NOS1: variants seen among roughly 807,000 people sequenced by gnomAD.
The protein encoded by NOS1 is NOS type I.
In NOS1, 51 loss-of-function variants were observed where a neutral mutation model predicts 164.5. The ratio of observed to expected loss-of-function variants is 0.31; its 90% CI spans 0.25 to 0.39. The LOEUF is 0.39. Among genes scored for constraint, NOS1 ranks in the 10% least tolerant of loss-of-function variants. The pLI is 1.00. For synonymous variants in NOS1, 719 were observed against 745.8 expected (o/e 0.96, Z 0.59); for missense variants, 1,362 against 1,885.6 (o/e 0.72, Z 5.14).
intron 6 of NOS1, 51 bp from the exon 7 acceptor site, chr12:117,285,383 TC>T: frequency 1.6e-6 from 2 of 1,262,186 alleles, no homozygotes; most frequent in South Asian, 1.3e-5. Flanking sequence ...CCTCCCCAGC[TC>T]CCCCAGCGCA....
chr12:117,270,972 G>A (rs1477750538), intron 10 of NOS1, among the ~76,000 whole-genome samples: 2 of 152,206 alleles, frequency 1.3e-5, no homozygotes, highest in Admixed American at 1.3e-4. Context: ...AAGCCCAGGA[G>A]GTGGAGGTTG....
intron 15 of NOS1, among the ~76,000 whole-genome samples, chr12:117,258,775 C>A (rs773229635): frequency 2.6e-5 from 4 of 152,200 alleles, no homozygotes; most frequent in Non-Finnish European, 4.4e-5. Flanking sequence ...ATAGGAGCAG[C>A]CACTGCAAAC....
chr12:117,240,370 T>C (rs968578778), intron 20 of NOS1, among the ~76,000 whole-genome samples: 7 of 152,268 alleles, frequency 4.6e-5, no homozygotes, highest in African/African-American at 7.2e-5. Context: ...GAGGATTACA[T>C]AGAAAGCACA....
At chr12:117,307,707 C>G (rs957308300) in intron 3 of NOS1, among the ~76,000 whole-genome samples, 3 of 152,070 alleles carry the variant, frequency 2.0e-5, no homozygotes, top group African/African-American at 2.4e-5. Flanking sequence ...TGGTCCATCT[C>G]TACCTGCCAC....
At chr12:117,219,049 G>A (rs1438553760) in intron 27 of NOS1, among the ~76,000 whole-genome samples, 3 of 151,320 alleles carry the variant, frequency 2.0e-5, no homozygotes, top group African/African-American at 7.3e-5. Flanking sequence ...CGTGATCTCG[G>A]CTCACTGCAA....
At chr12:117,241,321 G>T (rs552907859) in intron 20 of NOS1, among the ~76,000 whole-genome samples, 110 of 151,994 alleles carry the variant, frequency 7.2e-4, no homozygotes, top group Middle Eastern at 3.4e-3. Context: ...TATAGCAGAA[G>T]ATCTTTTCAA....
chr12:117,225,008 T>A lies in NOS1; in HGVS notation c.3826+8A>T. ...TGGGAACCAAGTGGCCACTGGACTG[T>A]AACCCACCTTTGTGTTGGATATCAA... On this transcript the variant is annotated splice_region_variant and intron_variant, in intron 25 of 28. Transcript: ENST00000317775. 6.2e-7 allele frequency: 1 copy of A among 1,614,108 alleles called. No individual in the cohort carries two copies. Among genetic ancestry groups the A allele is most frequent in the South Asian group, 1.1e-5 (1 of 91,084 alleles).
At chr12:117,269,431 G>A (rs1158668357) in intron 10 of NOS1, among the ~76,000 whole-genome samples, 1 of 150,386 alleles carries the variant, frequency 6.6e-6, no homozygotes, top group East Asian at 2.0e-4. Flanking sequence ...TTCCAGATGT[G>A]ACGGGCCCAG....
intron 18 of NOS1, among the ~76,000 whole-genome samples, chr12:117,246,460 T>C (rs934397970): frequency 6.6e-6 from 1 of 152,162 alleles, no homozygotes; most frequent in African/African-American, 2.4e-5. Context: ...ACTGTATAGA[T>C]AGGTATAAAT....
rs57047376 is a variant in NOS1 at position 117,256,284 on chromosome 12, G to GTTTTTTTTTTTTTTTTTTTTTTTTTTTTT, written c.2531+2112_2531+2113insAAAAAAAAAAAAAAAAAAAAAAAAAAAAA. On this transcript the variant is annotated intron_variant, in intron 16 of 28. Coordinates refer to ENST00000317775, the MANE Select transcript of NOS1 (RefSeq NM_000620.5). ...CAAAGAAAATCAGAAGGGATTTTCT[G>GTTTTTTTTTTTTTTTTTTTTTTTTTTTTT]TTTTTTTTTTTTGAGACGGAGTCTC... is the stretch of plus-strand genomic sequence containing the variant. 1.9e-4 allele frequency among the ~76,000 whole-genome samples: 22 copies of GTTTTTTTTTTTTTTTTTTTTTTTTTTTTT among 118,446 alleles called. 2 individuals are homozygous for GTTTTTTTTTTTTTTTTTTTTTTTTTTTTT. The highest frequency in any genetic ancestry group is 6.9e-4 in the African/African-American group (18 of 26,148). The allele number at this position is 118,446 out of a possible 152,430, so 77.7% of individuals were successfully genotyped here.
At chr12:117,264,271 C>T (rs1216229079) in intron 12 of NOS1, among the ~76,000 whole-genome samples, 1 of 151,958 alleles carries the variant, frequency 6.6e-6, no homozygotes, top group East Asian at 1.9e-4. Flanking sequence ...CTCATTTCAT[C>T]CCTCTTTCTC....
chr12:117,355,984 TCAAA>T (rs1876837064), intron 1 of NOS1, among the ~76,000 whole-genome samples: 2 of 152,182 alleles, frequency 1.3e-5, no homozygotes, highest in Non-Finnish European at 2.9e-5. Context: ...AACGCTGAGC[TCAAA>T]CAATCCTCCT....
rs370485750 is a variant in NOS1, at chr12:117,302,522, G to T, written c.852+8944C>A. Among the ~76,000 whole-genome samples the T allele has an allele frequency of 6.0e-5, 9 of 151,212 alleles. No individual in the cohort carries two copies. In the East Asian group the frequency reaches 1.8e-3, roughly 30 times the overall value. ...GGCAGGAGAATGGCGTGAACCCCAG[G>T]GGGCAGAGCCTGCAGTGAGCCGAGA... On this transcript the variant is annotated intron_variant, in intron 3 of 28. Transcript: ENST00000317775.
At position 117,215,052 on chromosome 12, in the gene NOS1, A is replaced by C; in HGVS notation, c.*257T>G. ...GCACCCGTGAGTTGCCCTTGTCGGCAAGAGAGGGAGTGGGAACAGAGTTTT... is the reference window on the plus strand; with the variant it reads ...GCACCCGTGAGTTGCCCTTGTCGGCCAGAGAGGGAGTGGGAACAGAGTTTT... On this transcript the variant is annotated 3_prime_UTR_variant, in exon 29 of 29. Coordinates refer to ENST00000317775, the MANE Select transcript of NOS1 (RefSeq NM_000620.5). The C allele has an allele frequency of 8.3e-7, 1 of 1,198,872 alleles. No individual in the cohort carries two copies. Among genetic ancestry groups the C allele is most frequent in the Non-Finnish European group, 1.0e-6 (1 of 966,062 alleles). The allele number at this position is 1,198,872 out of a possible 1,614,324, so 74.3% of individuals were successfully genotyped here.
At chr12:117,286,020 T>C in intron 6 of NOS1, 84 bp downstream of exon 6, 2 of 1,505,510 alleles carry the variant, frequency 1.3e-6, no homozygotes, top group Non-Finnish European at 9.1e-7. Flanking sequence ...TGGTAGAAGC[T>C]TATCCTTTTT....
chr12:117,354,476 C>T (rs1382151086), intron 1 of NOS1, among the ~76,000 whole-genome samples: 1 of 152,010 alleles, frequency 6.6e-6, no homozygotes, highest in African/African-American at 2.4e-5. Flanking sequence ...ACATAACTGG[C>T]TTTCATTTTT....
chr12:117,323,949 T>A (rs922655777), intron 2 of NOS1, among the ~76,000 whole-genome samples: 4 of 139,740 alleles, frequency 2.9e-5, no homozygotes, highest in African/African-American at 7.8e-5. Flanking sequence ...GTCTGGCTAA[T>A]TTTTTTTTTT....
At chr12:117,263,152 C>T (rs953771465) in intron 13 of NOS1, among the ~76,000 whole-genome samples, 9 of 151,314 alleles carry the variant, frequency 5.9e-5, no homozygotes, top group Admixed American at 5.9e-4. Context: ...TGAAGCCTCA[C>T]ACAGTGCCTG....
chr12:117,324,018 C>T (rs1456149316), intron 2 of NOS1, among the ~76,000 whole-genome samples: 1 of 151,716 alleles, frequency 6.6e-6, no homozygotes, highest in Non-Finnish European at 1.5e-5. Context: ...TCAAGTGATC[C>T]ACCTGCGTCA....
Sources: allele counts gnomAD v4.1 joint callset (sites outside exome capture counted in the v4.1 genomes callset), GRCh38; gene constraint gnomAD v4.1.1; transcripts MANE v1.5; gene names NCBI Gene and HGNC (gene_info 2026-07-23, HGNC 2026-07-21).